Variants in DST observed in about 807,000 individuals in gnomAD.
DST encodes the protein dystonin, also known as bullous pemphigoid antigen.
In DST, 253 loss-of-function variants were observed where a neutral mutation model predicts 875.2. The ratio of observed to expected loss-of-function variants is 0.29; its 90% CI spans 0.26 to 0.32. DST has a LOEUF of 0.32. Ranked by LOEUF, DST falls within the 10% of genes least tolerant of loss-of-function variation. The pLI, the probability that DST is intolerant of heterozygous loss-of-function variation, is 1.00. For missense variants in DST, 8,287 were observed against 9,111.6 expected (o/e 0.91, Z 3.68); for synonymous variants, 3,124 against 3,197.1 (o/e 0.98, Z 0.77).
chr6:56,632,527 A>G (rs1405952659), intron 28 of DST, among the ~76,000 whole-genome samples: 1 of 152,264 alleles, frequency 6.6e-6, no homozygotes, highest in Non-Finnish European at 1.5e-5. Flanking sequence ...TAATCCTTGT[A>G]TAAAATCCAA....
chr6:56,506,302 G>T, intron 77 of DST, 141 bp downstream of exon 77: 1 of 607,050 alleles, frequency 1.6e-6, no homozygotes, highest in Non-Finnish European at 2.8e-6. Context: ...CATGAAATGA[G>T]ATACACAGGC....
In DST at chr6:56,532,639, G is replaced by GA; in HGVS notation, c.16942-130dup. On this transcript the variant is annotated intron_variant, in intron 63 of 103. Transcript: ENST00000680361. ...TATGTATGCACATATGAAAGGATCT[G>GA]AAAAGCGAGATTTTAAAGGTAACTC... 4.7e-6 allele frequency: 4 copies of GA among 853,152 alleles called. No homozygotes were observed. The South Asian group carries it at 5.8e-5, about 12-fold the overall frequency. 52.8% of individuals were successfully genotyped at this position (853,152 alleles called of 1,614,324 possible).
intron 2 of DST, among the ~76,000 whole-genome samples, chr6:56,916,659 G>T (rs1007103001): frequency 6.6e-6 from 1 of 151,708 alleles, no homozygotes; most frequent in Non-Finnish European, 1.5e-5. Context: ...AGGCTGAGGT[G>T]GGGGGATCTC....
chr6:56,879,357 G>C (rs766197506), intron 3 of DST, among the ~76,000 whole-genome samples: 7 of 152,114 alleles, frequency 4.6e-5, no homozygotes, highest in African/African-American at 1.7e-4. Flanking sequence ...TGTAGTCCCA[G>C]CTACTCAGGA....
Position 56,501,164 on chromosome 6 carries a change from C to T in DST, c.19812G>A (p.Leu6604=), listed in dbSNP as rs1487165351. Residue 6604 remains leucine (L), a synonymous_variant, in exon 80 of 104, where the codon CTG becomes CTA. Transcript: ENST00000680361. ...QHALDELLAW[L]THTEGLLSEQ... ...CACTTAGCAAGCCCTCGGTGTGTGT[C>T]AGCCATGCCAGGAGCTCATCCAGGG... 1 of 1,612,458 alleles carries T rather than the reference C, an allele frequency of 6.2e-7. No individual in the cohort carries two copies. Among genetic ancestry groups the T allele is most frequent in the African/African-American group, 1.3e-5 (1 of 74,832 alleles).
chr6:56,671,735 GC>G (rs2099102557), intron 9 of DST, among the ~76,000 whole-genome samples: 1 of 152,172 alleles, frequency 6.6e-6, no homozygotes, highest in South Asian at 2.1e-4. Flanking sequence ...AGTGCAAGAC[GC>G]AAAGCCAAGG....
intron 36 of DST, chr6:56,619,954 T>C: frequency 6.2e-7 from 1 of 1,614,166 alleles, no homozygotes; most frequent in South Asian, 1.1e-5. Context: ...GTTCTTCTGC[T>C]TTCTGCTTGT....
intron 4 of DST, among the ~76,000 whole-genome samples, chr6:56,794,489 G>A (rs370967527): frequency 3.3e-5 from 5 of 152,314 alleles, no homozygotes; most frequent in African/African-American, 9.6e-5. Context: ...ACTCAACAGA[G>A]AGGTGACCAC....
At chr6:56,543,551 T>G (rs1170118737) in intron 61 of DST, among the ~76,000 whole-genome samples, 1 of 152,202 alleles carries the variant, frequency 6.6e-6, no homozygotes, top group African/African-American at 2.4e-5. Context: ...GAAAATAAAT[T>G]CAGCAAGCCA....
intron 34 of DST, among the ~76,000 whole-genome samples, 183 bp downstream of exon 34, chr6:56,627,021 A>C (rs1362319855): frequency 3.9e-5 from 6 of 152,284 alleles, no homozygotes; most frequent in East Asian, 1.9e-4. Flanking sequence ...AGAGAGAAGA[A>C]GACGAATGAA....
chr6:56,522,000 C>T (rs1228308392), intron 69 of DST, among the ~76,000 whole-genome samples: 1 of 152,060 alleles, frequency 6.6e-6, no homozygotes, highest in East Asian at 1.9e-4. Context: ...ACTTTAATAG[C>T]ATCAGAGGAG....
intron 4 of DST, among the ~76,000 whole-genome samples, chr6:56,793,589 T>C (rs560588013): frequency 6.6e-6 from 1 of 152,352 alleles, no homozygotes; most frequent in African/African-American, 2.4e-5. Context: ...AAACAAGATT[T>C]TTTTAAAGGT....
chr6:56,816,663 C>T (rs1324945326), intron 4 of DST, among the ~76,000 whole-genome samples: 3 of 152,136 alleles, frequency 2.0e-5, no homozygotes, highest in South Asian at 2.1e-4. Context: ...AATCCCCTAT[C>T]GCGTGCAGGA....
chr6:56,929,264 G>T (rs1032178876), intron 2 of DST, among the ~76,000 whole-genome samples: 4 of 152,008 alleles, frequency 2.6e-5, no homozygotes, highest in Admixed American at 6.6e-5. Context: ...AAAGGCTAAG[G>T]TTTTACATTT....
intron 5 of DST, among the ~76,000 whole-genome samples, chr6:56,710,810 A>C (rs1011515098): frequency 6.6e-6 from 1 of 152,202 alleles, no homozygotes; most frequent in Non-Finnish European, 1.5e-5. Context: ...AAATTATTAT[A>C]AATTCGAAAT....
intron 4 of DST, among the ~76,000 whole-genome samples, chr6:56,743,725 T>G (rs2099556593): frequency 6.6e-6 from 1 of 152,148 alleles, no homozygotes; most frequent in African/African-American, 2.4e-5. Flanking sequence ...CTGAGGCACT[T>G]AGAGGTTAAA....
At chr6:56,617,462 A>G (rs770789512) in intron 36 of DST, 4 of 1,453,980 alleles carry the variant, frequency 2.8e-6, no homozygotes, top group Non-Finnish European at 3.9e-6. Context: ...CCTCAAGAAC[A>G]TTATGTCACT....
intron 36 of DST, chr6:56,620,024 A>G: frequency 6.2e-7 from 1 of 1,614,008 alleles, no homozygotes; most frequent in Non-Finnish European, 8.5e-7. Flanking sequence ...GATCGGACAC[A>G]CTGGCAATGC....
intron 2 of DST, among the ~76,000 whole-genome samples, chr6:56,908,447 C>G (rs1483219275): frequency 6.6e-6 from 1 of 152,182 alleles, no homozygotes; most frequent in Non-Finnish European, 1.5e-5. Flanking sequence ...GTATCATCAA[C>G]AGTACCTGTG....
Sources: gnomAD v4.1 joint callset for allele counts (sites outside exome capture counted in the v4.1 genomes callset) on GRCh38, gnomAD v4.1.1 for gene constraint, MANE v1.5 for transcripts, NCBI Gene and HGNC (gene_info 2026-07-23, HGNC 2026-07-21) for gene names.